The following RNF10 variants were observed in gnomAD, a reference collection of about 807,000 sequenced individuals.
RNF10 encodes the protein ring finger protein 10, also known as E3 ubiquitin-protein ligase RNF10.
A neutral mutation model predicts 91.4 loss-of-function variants in RNF10; 38 were observed. The observed-to-expected ratio is 0.42, with a 90% confidence interval of 0.32 to 0.54. The LOEUF (loss-of-function observed/expected upper bound fraction) is 0.54, where lower values mean the gene tolerates loss of function less well. Ranked by LOEUF, RNF10 falls within the 20% of genes least tolerant of loss-of-function variation. The probability of loss-of-function intolerance (pLI) is 0.16; values close to 1 mark genes in which losing one functional copy is unlikely to be tolerated. For synonymous variants in RNF10, 364 were observed against 366.3 expected (o/e 0.99, Z 0.07); for missense variants, 945 against 1,012.0 (o/e 0.93, Z 0.90).
rs1877244674 is a variant in RNF10 at position 120,575,338 on chromosome 12, C to G, written c.2143-293C>G. 4 of 327,316 alleles carry G rather than the reference C, an allele frequency of 1.2e-5. No individual in the cohort carries two copies. The South Asian group carries it at 2.0e-4, about 16-fold the overall frequency. 20.3% of individuals were successfully genotyped at this position (327,316 alleles called of 1,614,324 possible). On this transcript the variant is annotated intron_variant, in intron 14 of 16. Coordinates refer to ENST00000325954, the MANE Select transcript of RNF10 (RefSeq NM_014868.5). ...AAACTTAACCAGAAAGTCGGAATTC[C>G]CAATTTGAGGGTCTCAGTAAGAATC...
intron 10 of RNF10, among the ~76,000 whole-genome samples, chr12:120,564,444 C>T (rs1429474289): frequency 1.3e-5 from 2 of 152,006 alleles, no homozygotes; most frequent in Non-Finnish European, 2.9e-5. Context: ...TCAGACCAGC[C>T]AGGGCATTTC....
chr12:120,541,106 C>T (rs1043134570), intron 1 of RNF10, among the ~76,000 whole-genome samples: 1 of 152,220 alleles, frequency 6.6e-6, no homozygotes, highest in Admixed American at 6.5e-5. Context: ...ATCCGCCCGC[C>T]TCGGCCTCCC....
At chr12:120,574,904 G>A (rs557050408) in intron 14 of RNF10, 4 of 193,820 alleles carry the variant, frequency 2.1e-5, no homozygotes, top group Non-Finnish European at 3.2e-5. Context: ...TCCAGCCTGG[G>A]CAACAAGAGC....
In RNF10 at chr12:120,563,326, AC is replaced by A; in HGVS notation, c.1255-20del. 1 of 1,595,008 alleles carries A rather than the reference AC, an allele frequency of 6.3e-7. No homozygotes were observed. The highest frequency in any genetic ancestry group is 8.5e-7 in the Non-Finnish European group (1 of 1,172,404). On this transcript the variant is annotated intron_variant, in intron 8 of 16. Transcript: ENST00000325954. ...AAAGCAGGAGATATCCTTTCTGTTG[AC>A]TTAGAGTTTGCTGCAACAGGGTGTG...
At chr12:120,576,310 A>G (rs746422047) in intron 16 of RNF10, among the ~76,000 whole-genome samples, 1 of 152,210 alleles carries the variant, frequency 6.6e-6, no homozygotes, top group East Asian at 1.9e-4. Flanking sequence ...TCACATATGT[A>G]TGGCGTGCTA....
Position 120,573,354 on chromosome 12 carries a change from C to CT in RNF10, c.2142+2071dup, listed in dbSNP as rs201461855. On this transcript the variant is annotated intron_variant, in intron 14 of 16. Coordinates refer to ENST00000325954, the MANE Select transcript of RNF10 (RefSeq NM_014868.5). Reference sequence around the variant, plus strand: ...ATAACCGTTCCTTTGCCCATATCCCCTTTTTTTTCCCTTCCATGGCCAGTT... The same window carrying CT: ...ATAACCGTTCCTTTGCCCATATCCCCTTTTTTTTTCCCTTCCATGGCCAGTT... Among the ~76,000 whole-genome samples the CT allele has an allele frequency of 5.5e-3, 839 of 152,040 alleles. 6 individuals are homozygous for CT. Among genetic ancestry groups the CT allele is most frequent in the Non-Finnish European group, 9.4e-3 (640 of 67,938 alleles).
At chr12:120,548,391 C>G (rs1424481216) in intron 2 of RNF10, among the ~76,000 whole-genome samples, 1 of 152,050 alleles carries the variant, frequency 6.6e-6, no homozygotes, top group Non-Finnish European at 1.5e-5. Flanking sequence ...AAGAAACCAG[C>G]AGAAGAGAGC....
At chr12:120,536,338 C>T (rs543967804) in intron 1 of RNF10, among the ~76,000 whole-genome samples, 36 of 152,102 alleles carry the variant, frequency 2.4e-4, no homozygotes, top group African/African-American at 8.4e-4. Flanking sequence ...GTGGGAGGAT[C>T]GCTTAAGCTC....
chr12:120,549,215 A>G (rs1017446617), intron 2 of RNF10, among the ~76,000 whole-genome samples: 13 of 151,970 alleles, frequency 8.6e-5, no homozygotes, highest in Admixed American at 1.3e-4. Flanking sequence ...TGATTGTTCT[A>G]ATTTTCTCAG....
intron 4 of RNF10, 55 bp downstream of exon 4, chr12:120,554,863 C>G (rs1045830474): frequency 1.5e-6 from 2 of 1,371,046 alleles, no homozygotes; most frequent in Non-Finnish European, 2.1e-6. Context: ...AATAAAGGCA[C>G]TGTGGTGACG....
intron 14 of RNF10, among the ~76,000 whole-genome samples, chr12:120,574,149 A>AG (rs957752279): frequency 2.0e-5 from 3 of 152,352 alleles, no homozygotes; most frequent in Non-Finnish European, 4.4e-5. Flanking sequence ...CTAGAGACAA[A>AG]GGGAGAAGTT....
Position 120,563,621 on chromosome 12 carries a change from A to AAGGTG in RNF10, c.1531+2_1531+6dup, listed in dbSNP as rs1252360495. 6.3e-7 allele frequency: 1 copy of AAGGTG among 1,593,702 alleles called. No homozygotes were observed. Among genetic ancestry groups the AAGGTG allele is most frequent in the East Asian group, 2.2e-5 (1 of 44,710 alleles). On this transcript the variant is annotated frameshift_variant and splice_region_variant, in exon 9 of 17. Coordinates refer to ENST00000325954, the MANE Select transcript of RNF10 (RefSeq NM_014868.5). LOFTEE classifies it high-confidence loss of function. ...AGCTCTCCTTGTTACTACTTTTACC[A>AAGGTG]AGGTGAGGGTGCCGGAAGAGAGGGC...
intron 14 of RNF10, among the ~76,000 whole-genome samples, chr12:120,573,954 C>T (rs1877025344): frequency 6.6e-6 from 1 of 152,194 alleles, no homozygotes; most frequent in Non-Finnish European, 1.5e-5. Context: ...CACTCATCAG[C>T]TCTTTCAGGA....
At chr12:120,576,384 A>ACCTCC (rs1877396914) in intron 16 of RNF10, among the ~76,000 whole-genome samples, 1 of 152,200 alleles carries the variant, frequency 6.6e-6, no homozygotes, top group African/African-American at 2.4e-5. Flanking sequence ...CACGTTACAG[A>ACCTCC]TGGGGAAACT....
At chr12:120,539,277 C>A (rs1811657844) in intron 1 of RNF10, 3 of 594,506 alleles carry the variant, frequency 5.0e-6, no homozygotes. Context: ...CGGTATTTTT[C>A]AATAAGCTTT....
intron 1 of RNF10, among the ~76,000 whole-genome samples, chr12:120,537,794 T>C (rs1395775489): frequency 6.6e-6 from 1 of 152,166 alleles, no homozygotes; most frequent in Non-Finnish European, 1.5e-5. Flanking sequence ...GGATGGGCTT[T>C]GTAGCCAAAT....
At position 120,557,377 on chromosome 12, in the gene RNF10, A is replaced by T; in HGVS notation, c.741A>T (p.Ala247=). The change falls in exon 5 of 17, where the codon GCA becomes GCT. Residue 247 remains alanine (A), a synonymous_variant. Coordinates refer to ENST00000325954, the MANE Select transcript of RNF10 (RefSeq NM_014868.5). ...ITRCGHIFCW[A]CILHYLSLSE... is the part of the protein sequence containing the mutation. ...GTTGTGGACACATCTTCTGCTGGGCATGCATCCTGCACTATCTTTCACTGA... is the reference window on the plus strand; with the variant it reads ...GTTGTGGACACATCTTCTGCTGGGCTTGCATCCTGCACTATCTTTCACTGA... 6.2e-7 allele frequency: 1 copy of T among 1,614,178 alleles called. No homozygotes were observed. The highest frequency in any genetic ancestry group is 8.5e-7 in the Non-Finnish European group (1 of 1,180,028).
chr12:120,538,992 C>T (rs920692657), intron 1 of RNF10, among the ~76,000 whole-genome samples: 10 of 152,098 alleles, frequency 6.6e-5, no homozygotes, highest in Non-Finnish European at 8.8e-5. Flanking sequence ...TTTCAGGGCC[C>T]GTTGGCTGGA....
At chr12:120,576,042 T>C in intron 16 of RNF10, 92 bp downstream of exon 16, 1 of 1,322,382 alleles carries the variant, frequency 7.6e-7, no homozygotes, top group South Asian at 1.2e-5. Context: ...CATCACTAAT[T>C]AGGCTCTTTC....
Sources: allele counts gnomAD v4.1 joint callset (sites outside exome capture counted in the v4.1 genomes callset), GRCh38; gene constraint gnomAD v4.1.1; transcripts MANE v1.5; gene names NCBI Gene and HGNC (gene_info 2026-07-23, HGNC 2026-07-21).